Variants in P4HTM observed in about 807,000 individuals in gnomAD.
The protein encoded by P4HTM is transmembrane prolyl 4-hydroxylase.
In P4HTM, 33 loss-of-function variants were observed where a neutral mutation model predicts 55.3. The observed-to-expected ratio is 0.60, with a 90% CI of 0.45 to 0.80. The LOEUF (loss-of-function observed/expected upper bound fraction) is 0.80. Ranked by LOEUF, P4HTM falls within the 30% of genes least tolerant of loss-of-function variation. P4HTM has a pLI of 0.00. For missense variants in P4HTM, 542 were observed against 696.5 expected (o/e 0.78, Z 2.50); for synonymous variants, 272 against 286.4 (o/e 0.95, Z 0.51).
At chr3:49,000,759 C>T (rs983376873) in intron 2 of P4HTM, among the ~76,000 whole-genome samples, 10 of 152,192 alleles carry the variant, frequency 6.6e-5, no homozygotes, top group African/African-American at 2.4e-4. Context: ...CTGATCTTTA[C>T]TCAGGGGTGT....
At chr3:49,006,599 TG>T in intron 8 of P4HTM, 87 bp from the exon 9 acceptor site, 1 of 1,084,768 alleles carries the variant, frequency 9.2e-7, no homozygotes, top group Non-Finnish European at 1.4e-6. Flanking sequence ...AATGCATAGC[TG>T]GACCCACCTT....
At chr3:49,006,629 T>C (rs2092983330) in intron 8 of P4HTM, 58 bp from the exon 9 acceptor site, 3 of 1,483,646 alleles carry the variant, frequency 2.0e-6, no homozygotes, top group Non-Finnish European at 2.8e-6. Context: ...TCTTGGTGCC[T>C]ATGAGGCCAA....
rs2092929216 is a variant in P4HTM at position 48,990,844 on chromosome 3, G to T, written c.366G>T (p.Glu122Asp). The stretch of plus-strand genomic sequence containing the variant: ...CGCCTTTTCCTTAGGTGGGGCACGA[G>T]CGTAAGGTCCAGCTGGTCACCGACA... ...TRLEGIKVGHERKVQLVTDRD... is the reference protein window; with the variant it reads ...TRLEGIKVGHDRKVQLVTDRD... The change falls in exon 2 of 9, where the codon GAG becomes GAT. Residue 122 changes from glutamate (E) to aspartate (D), a missense_variant. This residue lies in a region of P4HTM where 536 missense variants were observed against 672.1 expected (regional missense o/e 0.80). Coordinates refer to ENST00000383729, the MANE Select transcript of P4HTM (RefSeq NM_177939.3). This position sits in a 1 kb window ranked among gnomAD's most constrained non-coding sequence, Gnocchi z 7.2. 1 of 1,613,764 alleles carries T rather than the reference G, an allele frequency of 6.2e-7. No individual in the cohort carries two copies. The highest frequency in any genetic ancestry group is 8.5e-7 in the Non-Finnish European group (1 of 1,179,924).
intron 2 of P4HTM, among the ~76,000 whole-genome samples, chr3:48,993,029 C>T (rs2092935208): frequency 2.0e-5 from 3 of 152,014 alleles, no homozygotes; most frequent in Non-Finnish European, 4.4e-5. Context: ...CAAGGCTGGG[C>T]GCGGTGGCTC....
At chr3:49,006,631 T>C in intron 8 of P4HTM, 56 bp from the exon 9 acceptor site, 2 of 1,497,958 alleles carry the variant, frequency 1.3e-6, no homozygotes, top group Middle Eastern at 1.7e-4. Context: ...TTGGTGCCTA[T>C]GAGGCCAAGC....
chr3:48,990,590 A>C lies in P4HTM; in HGVS notation c.334A>C (p.Thr112Pro). ...GCCCGAGCCCACCTTAGGTCCCCTC[A>C]CCCGGCTGGAGGGCATCAAGGTGAG... is the stretch of plus-strand genomic sequence containing the variant. ...PGPEPTLGPL[T>P]RLEGIKVGHE... Residue 112 changes from threonine to proline, a missense_variant, in exon 1 of 9, where the codon ACC becomes CCC. Physicochemically the swap from Thr to Pro is conservative, Grantham distance 38. Transcript: ENST00000383729. This position sits in a 1 kb window ranked among gnomAD's most constrained non-coding sequence, Gnocchi z 7.2. The C allele has an allele frequency of 6.3e-7, 1 of 1,596,092 alleles. No individual in the cohort carries two copies. The highest frequency in any genetic ancestry group is 8.5e-7 in the Non-Finnish European group (1 of 1,172,296).
At chr3:49,001,654 C>G in intron 3 of P4HTM, 26 bp downstream of exon 3, 1 of 1,593,362 alleles carries the variant, frequency 6.3e-7, no homozygotes, top group African/African-American at 1.3e-5. Flanking sequence ...CCTGAGTAGG[C>G]TCAGGGTGGG....
intron 2 of P4HTM, among the ~76,000 whole-genome samples, chr3:48,994,692 T>TG (rs1402014963): frequency 6.6e-6 from 1 of 152,184 alleles, no homozygotes; most frequent in Non-Finnish European, 1.5e-5. Flanking sequence ...CTGGGGACAT[T>TG]GCTTTCTTAC....
At chr3:48,993,642 A>G (rs1216168781) in intron 2 of P4HTM, among the ~76,000 whole-genome samples, 1 of 151,992 alleles carries the variant, frequency 6.6e-6, no homozygotes, top group African/African-American at 2.4e-5. Context: ...CGGGTGGATC[A>G]CTTGAGGTCA....
In P4HTM at chr3:49,001,580, C is replaced by T. The variant is rs1283245727; in HGVS notation, c.579C>T (p.Leu193=). The T allele has an allele frequency of 1.9e-5, 31 of 1,613,512 alleles. No individual in the cohort carries two copies. The highest frequency in any genetic ancestry group is 2.5e-5 in the Non-Finnish European group (30 of 1,179,886). The stretch of plus-strand genomic sequence containing the variant: ...CTATGCAGGTCAGCCAGCTGGACCT[C>T]TTCCGGCTGCTGGACCAGAACCGTG... ...MSTMQVSQLD[L]FRLLDQNRDG... is the part of the protein sequence containing the mutation. Residue 193 remains leucine (L), a synonymous_variant, in exon 3 of 9, where the codon CTC becomes CTT. Coordinates refer to ENST00000383729, the MANE Select transcript of P4HTM (RefSeq NM_177939.3).
chr3:49,000,814 G>A (rs1481970149), intron 2 of P4HTM, among the ~76,000 whole-genome samples: 1 of 152,156 alleles, frequency 6.6e-6, no homozygotes. Flanking sequence ...ACCAGGGAAG[G>A]AATCAAGGAA....
chr3:48,990,768 G>A lies in P4HTM; in HGVS notation c.355-65G>A. On this transcript the variant is annotated intron_variant, in intron 1 of 8. Transcript: ENST00000383729. This position sits in a 1 kb window ranked among gnomAD's most constrained non-coding sequence, Gnocchi z 7.2. ...CTGCTGTCGCTCTCCGGGCCGGGGC[G>A]ACTTGGCCCTTCTTGGGCAGCGCGG... 1 of 1,561,464 alleles carries A rather than the reference G, an allele frequency of 6.4e-7. No homozygotes were observed. The highest frequency in any genetic ancestry group is 8.8e-7 in the Non-Finnish European group (1 of 1,139,386).
intron 2 of P4HTM, among the ~76,000 whole-genome samples, chr3:48,998,943 C>T (rs983335375): frequency 3.3e-5 from 5 of 152,116 alleles, no homozygotes; most frequent in Admixed American, 6.5e-5. Flanking sequence ...ATAGCTTCCA[C>T]GCCTCATTGG....
rs1183952988 is a variant in P4HTM, at chr3:49,002,329, G to A, written c.628-171G>A. On this transcript the variant is annotated intron_variant, in intron 3 of 8. Transcript: ENST00000383729. This position sits in a 1 kb window ranked among gnomAD's most constrained non-coding sequence, Gnocchi z 4.4. ...CCCCCAGCCCCCGGCCTTCTCCTCAGATGCTCTGTACCTTTCTACCTGCAC... is the reference window on the plus strand; with the variant it reads ...CCCCCAGCCCCCGGCCTTCTCCTCAAATGCTCTGTACCTTTCTACCTGCAC... Among the ~76,000 whole-genome samples the A allele has an allele frequency of 6.6e-6, 1 of 152,274 alleles. No individual in the cohort carries two copies. The highest frequency in any genetic ancestry group is 1.5e-5 in the Non-Finnish European group (1 of 68,054).
rs1258809260 is a variant in P4HTM, at chr3:49,002,866, G to A, written c.724+270G>A. ...AACATCAGGCAGAGTTGAGAGCCTGGGGACAGGAAGTAGGGCTGCTAGTTG... is the reference window on the plus strand; with the variant it reads ...AACATCAGGCAGAGTTGAGAGCCTGAGGACAGGAAGTAGGGCTGCTAGTTG... On this transcript the variant is annotated intron_variant, in intron 4 of 8. Transcript: ENST00000383729. This position sits in a 1 kb window ranked among gnomAD's most constrained non-coding sequence, Gnocchi z 4.4. 3 of 518,564 alleles carry A rather than the reference G, an allele frequency of 5.8e-6. No homozygotes were observed. Among genetic ancestry groups the A allele is most frequent in the South Asian group, 1.9e-5 (1 of 52,054 alleles). 32.1% of individuals were successfully genotyped at this position (518,564 alleles called of 1,614,324 possible). A position where few individuals can be genotyped will look rare whatever the true frequency, so the allele number is the denominator to read the frequency against.
rs1191334106 is a variant in P4HTM at position 49,004,204 on chromosome 3, T to C, written c.831T>C (p.His277=). ...GTGAGCTGGTGCGGAACAGCCACCA[T>C]ACCTGGCTCTACCAGGGTGAGGGTG... is the stretch of plus-strand genomic sequence containing the variant. ...ESSELVRNSH[H]TWLYQGEGAH... is the part of the protein sequence containing the mutation. The change falls in exon 5 of 9, where the codon CAT becomes CAC. Residue 277 remains histidine (H), a synonymous_variant. Transcript: ENST00000383729. The C allele has an allele frequency of 2.5e-5, 39 of 1,549,198 alleles. No individual in the cohort carries two copies. Among genetic ancestry groups the C allele is most frequent in the Non-Finnish European group, 3.3e-5 (38 of 1,146,820 alleles).
Position 49,002,608 on chromosome 3 carries a change from C to T in P4HTM, c.724+12C>T. On this transcript the variant is annotated intron_variant, in intron 4 of 8. Coordinates refer to ENST00000383729, the MANE Select transcript of P4HTM (RefSeq NM_177939.3). This position sits in a 1 kb window ranked among gnomAD's most constrained non-coding sequence, Gnocchi z 4.4. The stretch of plus-strand genomic sequence containing the variant: ...CCCTGATGGTGACGGTGAGCTCACA[C>T]CTCTGCACAGTCCTATCCCCGTGAG... 2 of 1,592,860 alleles carry T rather than the reference C, an allele frequency of 1.3e-6. No homozygotes were observed. The highest frequency in any genetic ancestry group is 1.1e-5 in the South Asian group (1 of 90,672).
At chr3:49,005,261 C>T (rs1576608594) in intron 6 of P4HTM, 9 of 1,488,102 alleles carry the variant, frequency 6.0e-6, no homozygotes, top group Non-Finnish European at 8.0e-6. Flanking sequence ...GGAGTCAACA[C>T]AGACTGATGT....
At position 48,990,488 on chromosome 3, in the gene P4HTM, C is replaced by G; in HGVS notation, c.232C>G (p.Leu78Val). The change falls in exon 1 of 9, where the codon CTG becomes GTG. Residue 78 changes from leucine to valine, a missense_variant. Around this residue, in one of 2 missense-constraint regions of P4HTM, gnomAD observed 536 missense variants for 672.1 expected, o/e 0.80. Coordinates refer to ENST00000383729, the MANE Select transcript of P4HTM (RefSeq NM_177939.3). The surrounding 1 kb of genome is among the most constrained non-coding windows in gnomAD (Gnocchi z 7.2). Reference protein sequence around the residue: ...VHLYLGNVLALLLFVHYSNGD... With the variant: ...VHLYLGNVLAVLLFVHYSNGD... ...CCTGTACCTGGGTAACGTGCTGGCG[C>G]TGCTGCTCTTCGTGCACTACAGCAA... is the stretch of plus-strand genomic sequence containing the variant. 5 of 1,611,454 alleles carry G rather than the reference C, an allele frequency of 3.1e-6. No homozygotes were observed. Among genetic ancestry groups the G allele is most frequent in the Non-Finnish European group, 3.4e-6 (4 of 1,179,490 alleles).
Sources: allele counts gnomAD v4.1 joint callset (sites outside exome capture counted in the v4.1 genomes callset), GRCh38; gene constraint gnomAD v4.1.1; regional missense constraint gnomAD v4.1.1; non-coding constraint Gnocchi (gnomAD v3.1); transcripts MANE v1.5; gene names NCBI Gene and HGNC (gene_info 2026-07-23, HGNC 2026-07-21).